SOX6: variants seen among roughly 807,000 people sequenced by gnomAD.
SOX6 encodes transcription factor SOX-6.
In SOX6, 11 loss-of-function variants were observed where a neutral mutation model predicts 97.8. The observed-to-expected ratio is 0.11, with a 90% confidence interval of 0.07 to 0.19. The LOEUF (loss-of-function observed/expected upper bound fraction) is 0.19. Ranked by LOEUF, SOX6 falls within the 10% of genes least tolerant of loss-of-function variation. The pLI, the probability that SOX6 is intolerant of heterozygous loss-of-function variation, is 1.00. For synonymous variants in SOX6, 360 were observed against 371.4 expected (o/e 0.97, Z 0.35); for missense variants, 810 against 1,039.5 (o/e 0.78, Z 3.04).
At chr11:16,142,838 A>G (rs558948526) in intron 6 of SOX6, among the ~76,000 whole-genome samples, 1 of 152,328 alleles carries the variant, frequency 6.6e-6, no homozygotes, top group African/African-American at 2.4e-5. Context: ...CCACCAAGAA[A>G]TATGGGACTA....
chr11:15,973,025 C>G lies in SOX6; in HGVS notation c.2271G>C (p.Gln757His). 1 of 1,614,158 alleles carries G rather than the reference C, an allele frequency of 6.2e-7. No individual in the cohort carries two copies. The highest frequency in any genetic ancestry group is 8.5e-7 in the Non-Finnish European group (1 of 1,180,018). Reference sequence around the variant, plus strand: ...AGGTGCTAGAGCAGTCAGATGTCATCTGAGGCGATGGTGTGGTAGTTGCCA... The same window carrying G: ...AGGTGCTAGAGCAGTCAGATGTCATGTGAGGCGATGGTGTGGTAGTTGCCA... ...ITMATTTPSP[Q>H]MTSDCSSTSA... is the part of the protein sequence containing the mutation. Residue 757 changes from glutamine (Q) to histidine (H), a missense_variant, in exon 16 of 16, where the codon CAG becomes CAC. By Grantham distance (24) the Gln-to-His change is conservative (BLOSUM62 0). Coordinates refer to ENST00000683767, the MANE Select transcript of SOX6 (RefSeq NM_001367873.1).
intron 13 of SOX6, among the ~76,000 whole-genome samples, chr11:15,993,560 A>T (rs1271844536): frequency 6.6e-6 from 1 of 152,168 alleles, no homozygotes; most frequent in Non-Finnish European, 1.5e-5. Context: ...CAGTTGCTGA[A>T]AGGCCAAGAG....
At chr11:16,400,133 G>A (rs1332822164) in intron 1 of SOX6, among the ~76,000 whole-genome samples, 1 of 151,262 alleles carries the variant, frequency 6.6e-6, no homozygotes, top group Non-Finnish European at 1.5e-5. Flanking sequence ...GCGAATATGA[G>A]GAACAAAAAC....
intron 3 of SOX6, among the ~76,000 whole-genome samples, chr11:16,615,530 T>C (rs1848460846): frequency 6.6e-6 from 1 of 152,178 alleles, no homozygotes; most frequent in Non-Finnish European, 1.5e-5. Context: ...TTCTACAACA[T>C]AGGAGTTGTC....
chr11:16,205,855 A>G (rs950461223), intron 4 of SOX6, among the ~76,000 whole-genome samples: 1 of 152,068 alleles, frequency 6.6e-6, no homozygotes, highest in Non-Finnish European at 1.5e-5. Context: ...TGTACAAGTA[A>G]TTCTCTGGGC....
chr11:16,295,796 G>A (rs1200460299), intron 3 of SOX6, among the ~76,000 whole-genome samples: 1 of 152,070 alleles, frequency 6.6e-6, no homozygotes, highest in Non-Finnish European at 1.5e-5. Context: ...CTTTACTGGG[G>A]TTGCATTTCT....
At chr11:16,549,514 T>C (rs183112071) in intron 4 of SOX6, among the ~76,000 whole-genome samples, 2 of 152,292 alleles carry the variant, frequency 1.3e-5, no homozygotes, top group East Asian at 1.9e-4. Context: ...GAATACAAAA[T>C]GGTGCAGCCA....
intron 12 of SOX6, chr11:16,023,284 G>A (rs1460983557): frequency 6.6e-6 from 1 of 151,962 alleles, no homozygotes; most frequent in African/African-American, 2.4e-5. Context: ...TCCTCAACTT[G>A]CTCCTCAAGG....
intron 6 of SOX6, among the ~76,000 whole-genome samples, chr11:16,161,243 C>T (rs533788848): frequency 6.6e-6 from 1 of 151,888 alleles, no homozygotes; most frequent in South Asian, 2.1e-4. Context: ...CATTAGTACA[C>T]CTATTTCTTT....
intron 7 of SOX6, 76 bp from the exon 8 acceptor site, chr11:16,097,764 T>C: frequency 7.5e-7 from 1 of 1,325,204 alleles, no homozygotes; most frequent in Non-Finnish European, 1.1e-6. Flanking sequence ...ACATGGTCCT[T>C]GGATTGCCTG....
intron 4 of SOX6, among the ~76,000 whole-genome samples, chr11:16,611,019 G>C (rs774027989): frequency 6.6e-6 from 1 of 152,214 alleles, no homozygotes; most frequent in African/African-American, 2.4e-5. Context: ...AAGGAGGGGC[G>C]AGCGGGTGGG....
intron 3 of SOX6, among the ~76,000 whole-genome samples, chr11:16,269,760 A>C (rs961344815): frequency 6.6e-6 from 1 of 151,146 alleles, no homozygotes; most frequent in East Asian, 1.9e-4. Context: ...GCTATTTTCT[A>C]CAAAAGCTAT....
chr11:16,343,004 C>T (rs187790168), intron 1 of SOX6, among the ~76,000 whole-genome samples: 5 of 151,854 alleles, frequency 3.3e-5, no homozygotes, highest in African/African-American at 1.2e-4. Flanking sequence ...CTAAAGAGTG[C>T]TATATCAATA....
At chr11:16,254,429 C>T (rs1404341932) in intron 3 of SOX6, among the ~76,000 whole-genome samples, 12 of 151,990 alleles carry the variant, frequency 7.9e-5, no homozygotes, top group Non-Finnish European at 1.5e-4. Flanking sequence ...TATCATTTTT[C>T]ATATGTATAT....
chr11:16,474,629 G>A (rs1860202610), intron 1 of SOX6, among the ~76,000 whole-genome samples: 1 of 152,098 alleles, frequency 6.6e-6, no homozygotes, highest in African/African-American at 2.4e-5. Flanking sequence ...AAAATACTCA[G>A]TAAACCATGC....
chr11:16,535,347 C>T (rs1861291730), intron 4 of SOX6, among the ~76,000 whole-genome samples: 1 of 152,148 alleles, frequency 6.6e-6, no homozygotes, highest in South Asian at 2.1e-4. Context: ...AAGCAAATTA[C>T]TTATATTTCT....
chr11:16,409,122 A>G (rs1053965350), intron 1 of SOX6, among the ~76,000 whole-genome samples: 11 of 152,238 alleles, frequency 7.2e-5, no homozygotes, highest in African/African-American at 1.9e-4. Context: ...TCAACCTGCT[A>G]TCTTCTGAAT....
intron 1 of SOX6, among the ~76,000 whole-genome samples, chr11:16,429,374 G>A (rs2133074471): frequency 6.6e-6 from 1 of 152,216 alleles, no homozygotes; most frequent in Middle Eastern, 3.4e-3. Context: ...ACACATGCAA[G>A]TGTATGTTCA....
intron 9 of SOX6, among the ~76,000 whole-genome samples, chr11:16,077,055 T>C (rs1848372942): frequency 6.6e-6 from 1 of 152,018 alleles, no homozygotes; most frequent in South Asian, 2.1e-4. Flanking sequence ...GCCCGGCCGG[T>C]ACTACACATT....
Sources: allele counts gnomAD v4.1 joint callset (sites outside exome capture counted in the v4.1 genomes callset), GRCh38; gene constraint gnomAD v4.1.1; transcripts MANE v1.5; gene names NCBI Gene and HGNC (gene_info 2026-07-23, HGNC 2026-07-21).